Variants in BTAF1 observed in about 807,000 individuals in gnomAD.
BTAF1 encodes B-TFIID TATA-box binding protein associated factor 1, also known as TATA-binding protein-associated factor 172.
BTAF1 carries 38 observed loss-of-function variants against 227.1 expected under a neutral mutation model. The observed-to-expected ratio is 0.17, with a 90% CI of 0.13 to 0.22. The LOEUF (loss-of-function observed/expected upper bound fraction) is 0.22. Among genes scored for constraint, BTAF1 ranks in the 10% least tolerant of loss-of-function variants. The probability of loss-of-function intolerance (pLI) is 1.00; values close to 1 mark genes in which losing one functional copy is unlikely to be tolerated. For missense variants in BTAF1, 1,598 were observed against 2,204.0 expected (o/e 0.73, Z 5.51); for synonymous variants, 742 against 751.9 (o/e 0.99, Z 0.21).
chr10:91,944,780 T>C (rs1564661793), intron 4 of BTAF1, among the ~76,000 whole-genome samples: 1 of 152,218 alleles, frequency 6.6e-6, no homozygotes, highest in African/African-American at 2.4e-5. Context: ...TTAGATTTGC[T>C]TATTCTCAAC....
intron 14 of BTAF1, among the ~76,000 whole-genome samples, chr10:91,975,354 C>T (rs1296804783): frequency 6.6e-6 from 1 of 152,178 alleles, no homozygotes; most frequent in Non-Finnish European, 1.5e-5. Context: ...AAAGAATAGC[C>T]TGAACTAAGA....
At chr10:91,961,227 C>T (rs1053533635) in intron 11 of BTAF1, among the ~76,000 whole-genome samples, 6 of 152,130 alleles carry the variant, frequency 3.9e-5, no homozygotes, top group African/African-American at 1.4e-4. Context: ...GAGACCAGGA[C>T]CTTTTCTTAC....
At chr10:91,960,196 TC>T in intron 11 of BTAF1, 42 bp downstream of exon 11, 1 of 1,586,212 alleles carries the variant, frequency 6.3e-7, no homozygotes, top group East Asian at 2.2e-5. Flanking sequence ...GAGAGTTTTT[TC>T]CCCCTTATAG....
chr10:91,995,654 C>T (rs1056019027), intron 23 of BTAF1, among the ~76,000 whole-genome samples: 4 of 148,330 alleles, frequency 2.7e-5, no homozygotes, highest in Non-Finnish European at 4.4e-5. Flanking sequence ...CTAGCCTAGG[C>T]GACAGAGCGA....
intron 28 of BTAF1, 150 bp from the exon 29 acceptor site, chr10:92,010,923 A>T: frequency 1.6e-6 from 1 of 643,988 alleles, no homozygotes; most frequent in Non-Finnish European, 2.7e-6. Flanking sequence ...CCAGATCATC[A>T]GAAGAGTAGC....
Position 91,923,827 on chromosome 10 carries a change from A to T in BTAF1, c.-250A>T. The T allele has an allele frequency of 2.3e-6, 1 of 433,050 alleles. No homozygotes were observed. Among genetic ancestry groups the T allele is most frequent in the Non-Finnish European group, 4.1e-6 (1 of 243,984 alleles). The allele number at this position is 433,050 out of a possible 1,614,324, so 26.8% of individuals were successfully genotyped here. On this transcript the variant is annotated 5_prime_UTR_variant, in exon 1 of 38. Transcript: ENST00000265990. ...AGCGGAGCTGAGGGTACCCGGTTTG[A>T]AGTCGTGCGGGTCGGAGGACTGCCG...
At chr10:91,968,849 G>C (rs1377291475) in intron 14 of BTAF1, among the ~76,000 whole-genome samples, 1 of 152,018 alleles carries the variant, frequency 6.6e-6, no homozygotes, top group Non-Finnish European at 1.5e-5. Flanking sequence ...TCGGTGAGGT[G>C]TCTGTTCAGC....
At chr10:92,027,564 T>C (rs1353207247) in intron 37 of BTAF1, among the ~76,000 whole-genome samples, 2 of 152,138 alleles carry the variant, frequency 1.3e-5, no homozygotes, top group Non-Finnish European at 2.9e-5. Flanking sequence ...AGCTTATCAC[T>C]GGAGTCAGTA....
At chr10:92,028,759 ATTTTT>A in intron 37 of BTAF1, 26 bp from the exon 38 acceptor site, 1 of 1,386,510 alleles carries the variant, frequency 7.2e-7, no homozygotes, top group Non-Finnish European at 9.7e-7. Flanking sequence ...CTCTCATTTT[ATTTTT>A]TTTTTTTTTG....
At position 91,982,695 on chromosome 10, in the gene BTAF1, C is replaced by T. The variant is rs1336742653; in HGVS notation, c.2157C>T (p.Asn719=). The T allele has an allele frequency of 2.5e-6, 4 of 1,613,820 alleles. No individual in the cohort carries two copies. The highest frequency in any genetic ancestry group is 1.7e-5 in the Admixed American group (1 of 60,000). Residue 719 remains asparagine (N), a synonymous_variant, in exon 18 of 38, where the codon AAC becomes AAT. Transcript: ENST00000265990. ...GCCAGTTACTACTCTTCCATTTGAA[C>T]TCCAAGTCTGCTTTACAGAGGATTA... ...SLGQLLLFHL[N]SKSALQRISV...
At chr10:91,933,483 A>G (rs1844403505) in intron 1 of BTAF1, among the ~76,000 whole-genome samples, 2 of 152,218 alleles carry the variant, frequency 1.3e-5, no homozygotes, top group Non-Finnish European at 2.9e-5. Context: ...CCCGATATTC[A>G]TATTAAGAGT....
At chr10:91,925,632 C>T (rs909857206) in intron 1 of BTAF1, among the ~76,000 whole-genome samples, 1 of 151,686 alleles carries the variant, frequency 6.6e-6, no homozygotes, top group South Asian at 2.1e-4. Context: ...CTGCCTCAGC[C>T]TCCCAAGTAG....
chr10:91,968,383 C>G (rs982356521), intron 14 of BTAF1, among the ~76,000 whole-genome samples: 4 of 152,086 alleles, frequency 2.6e-5, no homozygotes, highest in Non-Finnish European at 5.9e-5. Context: ...TCATGGTAGC[C>G]CATTTCTTTT....
intron 34 of BTAF1, among the ~76,000 whole-genome samples, chr10:92,019,215 A>G (rs1359307466): frequency 2.6e-5 from 4 of 152,184 alleles, no homozygotes; most frequent in African/African-American, 9.7e-5. Context: ...ACCCAAACAG[A>G]AACTCTATAT....
chr10:91,928,975 T>A (rs1176083456), intron 1 of BTAF1, among the ~76,000 whole-genome samples: 1 of 152,062 alleles, frequency 6.6e-6, no homozygotes, highest in Admixed American at 6.6e-5. Context: ...CATGCCTGGC[T>A]AATTTTTTTT....
At chr10:92,024,241 G>T (rs1291789252) in intron 34 of BTAF1, among the ~76,000 whole-genome samples, 1 of 152,168 alleles carries the variant, frequency 6.6e-6, no homozygotes, top group African/African-American at 2.4e-5. Context: ...TCTACCAAAT[G>T]TGGCTGCTCC....
chr10:91,958,998 A>G (rs1846296169), intron 8 of BTAF1, 67 bp from the exon 9 acceptor site: 3 of 1,413,104 alleles, frequency 2.1e-6, no homozygotes, highest in Non-Finnish European at 2.0e-6. Flanking sequence ...TATTTCGTAT[A>G]GAAGAAAAAT....
intron 26 of BTAF1, among the ~76,000 whole-genome samples, 196 bp downstream of exon 26, chr10:92,008,471 G>A (rs972867700): frequency 2.0e-5 from 3 of 151,180 alleles, no homozygotes; most frequent in African/African-American, 7.3e-5. Context: ...AGCCTCCCAA[G>A]TAGCTGGGAC....
intron 8 of BTAF1, among the ~76,000 whole-genome samples, chr10:91,957,663 G>T (rs902286777): frequency 1.3e-5 from 2 of 152,176 alleles, no homozygotes; most frequent in African/African-American, 4.8e-5. Flanking sequence ...AGAACATCTT[G>T]AACAGTTCCC....
Sources: gnomAD v4.1 joint callset for allele counts (sites outside exome capture counted in the v4.1 genomes callset) on GRCh38, gnomAD v4.1.1 for gene constraint, MANE v1.5 for transcripts, NCBI Gene and HGNC (gene_info 2026-07-23, HGNC 2026-07-21) for gene names.